The following SMARCAL1 variants were observed in gnomAD, a reference collection of about 807,000 sequenced individuals.
The protein encoded by SMARCAL1 is SNF2 related chromatin remodeling annealing helicase 1.
In SMARCAL1, 58 loss-of-function variants were observed where a neutral mutation model predicts 94.5. That is an observed-to-expected ratio of 0.61 (90% CI 0.50 to 0.76). SMARCAL1 has a LOEUF of 0.76. Among genes scored for constraint, SMARCAL1 ranks in the 30% least tolerant of loss-of-function variants. The probability of loss-of-function intolerance (pLI) is 0.00; values close to 1 mark genes in which losing one functional copy is unlikely to be tolerated. For missense variants in SMARCAL1, 1,051 were observed against 1,177.9 expected (o/e 0.89, Z 1.58); for synonymous variants, 422 against 455.1 (o/e 0.93, Z 0.93).
At position 216,450,880 on chromosome 2, in the gene SMARCAL1, AC is replaced by A; in HGVS notation, c.1888del (p.Leu630TrpfsTer4). 1 of 1,614,170 alleles carries A rather than the reference AC, an allele frequency of 6.2e-7. No homozygotes were observed. Among genetic ancestry groups the A allele is most frequent in the South Asian group, 1.1e-5 (1 of 91,090 alleles). ...PWGWDYSGSS[N>X]LGELKLLLEE... ...GGGTGGGACTACTCAGGTTCCTCCA[AC>A]CTGGGAGAGCTGAAGCTCCTGCTGG... On this transcript the variant is annotated frameshift_variant, in exon 12 of 18. Transcript: ENST00000357276. LOFTEE classifies it high-confidence loss of function.
intron 10 of SMARCAL1, among the ~76,000 whole-genome samples, chr2:216,446,282 C>A (rs950218641): frequency 1.3e-5 from 2 of 152,230 alleles, no homozygotes. Context: ...CAGGCTGCTG[C>A]ACATCTGGGC....
At chr2:216,425,128 G>A (rs1424161548) in intron 6 of SMARCAL1, among the ~76,000 whole-genome samples, 3 of 152,182 alleles carry the variant, frequency 2.0e-5, no homozygotes, top group Non-Finnish European at 4.4e-5. Flanking sequence ...GACCTGGCAG[G>A]CTGCGCTCGG....
At chr2:216,421,797 C>A (rs559105864) in intron 5 of SMARCAL1, among the ~76,000 whole-genome samples, 1 of 152,288 alleles carries the variant, frequency 6.6e-6, no homozygotes, top group South Asian at 2.1e-4. Flanking sequence ...ATACTTAAAA[C>A]CTCATGCCTT....
In SMARCAL1 at chr2:216,432,842, T is replaced by C; in HGVS notation, c.1459T>C (p.Ser487Pro). 6.2e-7 allele frequency: 1 copy of C among 1,614,224 alleles called. No homozygotes were observed. The highest frequency in any genetic ancestry group is 8.5e-7 in the Non-Finnish European group (1 of 1,180,052). Residue 487 changes from serine to proline, a missense_variant, in exon 8 of 18, where the codon TCC becomes CCC. Ser to Pro is a moderately conservative substitution (Grantham distance 74). Transcript: ENST00000357276. ...GTGGCCGCTCCTGGTGGTGGTGCCA[T>C]CCTCCGTGCGCTTCACCTGGGAGCA... The part of the protein sequence containing the change: ...KEWPLLVVVP[S>P]SVRFTWEQAF...
At chr2:216,436,253 G>A (rs1018499817) in intron 9 of SMARCAL1, among the ~76,000 whole-genome samples, 1 of 152,216 alleles carries the variant, frequency 6.6e-6, no homozygotes, top group Non-Finnish European at 1.5e-5. Context: ...ACAGGCATGA[G>A]CCACCTTGCC....
chr2:216,446,486 G>A (rs1694316574), intron 10 of SMARCAL1, among the ~76,000 whole-genome samples: 1 of 152,204 alleles, frequency 6.6e-6, no homozygotes, highest in East Asian at 1.9e-4. Flanking sequence ...CTTGGGAATG[G>A]GAGAGGGCTG....
intron 7 of SMARCAL1, among the ~76,000 whole-genome samples, chr2:216,431,657 A>G (rs1287457362): frequency 3.3e-5 from 5 of 152,238 alleles, no homozygotes; most frequent in Admixed American, 3.3e-4. Flanking sequence ...GGGCTGAGGC[A>G]TAGGGAGGTT....
At chr2:216,435,651 T>G (rs555220607) in intron 9 of SMARCAL1, among the ~76,000 whole-genome samples, 155 bp downstream of exon 9, 3 of 152,290 alleles carry the variant, frequency 2.0e-5, no homozygotes, top group African/African-American at 7.2e-5. Context: ...AACTGGAAAT[T>G]CATTCCCCTC....
At chr2:216,418,406 G>A (rs1693650543) in intron 4 of SMARCAL1, among the ~76,000 whole-genome samples, 1 of 152,158 alleles carries the variant, frequency 6.6e-6, no homozygotes, top group Admixed American at 6.5e-5. Context: ...TTGAGCTTTT[G>A]CCTGCTGAGA....
At chr2:216,457,374 A>G (rs997357073) in intron 12 of SMARCAL1, among the ~76,000 whole-genome samples, 10 of 152,354 alleles carry the variant, frequency 6.6e-5, no homozygotes, top group Admixed American at 2.6e-4. Context: ...ACCCCAAATC[A>G]ACAGAATATA....
At chr2:216,422,851 C>T (rs904699752) in intron 5 of SMARCAL1, among the ~76,000 whole-genome samples, 2 of 152,170 alleles carry the variant, frequency 1.3e-5, no homozygotes, top group Non-Finnish European at 2.9e-5. Context: ...GAATCAGCCA[C>T]CATTGGGTAG....
At chr2:216,480,101 C>A (rs568851629) in intron 17 of SMARCAL1, among the ~76,000 whole-genome samples, 1 of 152,288 alleles carries the variant, frequency 6.6e-6, no homozygotes, top group East Asian at 1.9e-4. Flanking sequence ...CACTTGAACT[C>A]ATTTATTCCT....
At chr2:216,431,063 C>A (rs1693952225) in intron 7 of SMARCAL1, among the ~76,000 whole-genome samples, 1 of 152,206 alleles carries the variant, frequency 6.6e-6, no homozygotes, top group African/African-American at 2.4e-5. Context: ...GAAGGGCTGC[C>A]CCCTCTCCTA....
At position 216,414,699 on chromosome 2, in the gene SMARCAL1, G is replaced by A. The variant is rs368738615; in HGVS notation, c.-6G>A. On this transcript the variant is annotated 5_prime_UTR_variant, in exon 3 of 18. In the 5' UTR this introduces an upstream ATG that the reference lacks. Transcript: ENST00000357276. Reference sequence around the variant, plus strand: ...GACATTCCTGCATAAGCATTTCTCTGTGAAAATGTCCTTGCCTCTTACAGA... The same window carrying A: ...GACATTCCTGCATAAGCATTTCTCTATGAAAATGTCCTTGCCTCTTACAGA... The A allele has an allele frequency of 2.5e-5, 41 of 1,613,584 alleles. No homozygotes were observed. Among genetic ancestry groups the A allele is most frequent in the Admixed American group, 3.3e-5 (2 of 59,998 alleles).
intron 11 of SMARCAL1, among the ~76,000 whole-genome samples, chr2:216,448,841 A>G (rs1694378231): frequency 6.6e-6 from 1 of 152,178 alleles, no homozygotes; most frequent in African/African-American, 2.4e-5. Flanking sequence ...CAAAAAAAAA[A>G]AAGAAAAAAG....
At chr2:216,432,916 T>C in intron 8 of SMARCAL1, 48 bp downstream of exon 8, 1 of 1,609,388 alleles carries the variant, frequency 6.2e-7, no homozygotes, top group African/African-American at 1.3e-5. Flanking sequence ...TTTTCTTCAG[T>C]GTTAGAGTCA....
At chr2:216,429,251 A>G (rs770231426) in intron 7 of SMARCAL1, among the ~76,000 whole-genome samples, 3 of 152,246 alleles carry the variant, frequency 2.0e-5, no homozygotes, top group Admixed American at 6.5e-5. Context: ...TAACACTGCA[A>G]TGGCTTAAGT....
intron 10 of SMARCAL1, among the ~76,000 whole-genome samples, chr2:216,443,284 T>A (rs2627045): frequency 6.7e-6 from 1 of 148,686 alleles, no homozygotes; most frequent in Non-Finnish European, 1.5e-5. Context: ...GGAGGGTCAC[T>A]TAAACCTGGG....
intron 12 of SMARCAL1, among the ~76,000 whole-genome samples, chr2:216,460,092 T>A (rs1394587075): frequency 6.6e-6 from 1 of 152,142 alleles, no homozygotes; most frequent in Non-Finnish European, 1.5e-5. Flanking sequence ...AAAATGCTCA[T>A]CATCACTGGC....
Sources: allele counts gnomAD v4.1 joint callset (sites outside exome capture counted in the v4.1 genomes callset), GRCh38; gene constraint gnomAD v4.1.1; transcripts MANE v1.5; gene names NCBI Gene and HGNC (gene_info 2026-07-23, HGNC 2026-07-21).